PTPN14: variants seen among roughly 807,000 people sequenced by gnomAD.
The protein encoded by PTPN14 is protein tyrosine phosphatase non-receptor type 14.
A neutral mutation model predicts 126.8 loss-of-function variants in PTPN14; 53 were observed. The observed-to-expected ratio is 0.42, with a 90% CI of 0.34 to 0.53. The LOEUF is 0.53. PTPN14 is among the 20% of genes least tolerant of loss of function. The pLI is 0.08. For missense variants in PTPN14, 1,257 were observed against 1,552.9 expected (o/e 0.81, Z 3.20); for synonymous variants, 630 against 599.3 (o/e 1.05, Z -0.75).
At chr1:214,491,061 AAGAAAGAAAGAAAG>A (rs1412365853) in intron 1 of PTPN14, among the ~76,000 whole-genome samples, 8 of 142,912 alleles carry the variant, frequency 5.6e-5, no homozygotes, top group South Asian at 4.5e-4. Context: ...AAGAAAAACA[AAGAAAGAAAGAAAG>A]AGAAAGAAAG....
At chr1:214,526,167 T>C (rs1219908820) in intron 1 of PTPN14, among the ~76,000 whole-genome samples, 1 of 152,036 alleles carries the variant, frequency 6.6e-6, no homozygotes, top group Non-Finnish European at 1.5e-5. Flanking sequence ...GTTTTCACCA[T>C]GTTGGCCAGG....
At chr1:214,365,673 C>T (rs1658063753) in intron 17 of PTPN14, among the ~76,000 whole-genome samples, 1 of 152,114 alleles carries the variant, frequency 6.6e-6, no homozygotes, top group South Asian at 2.1e-4. Context: ...CACCTGTTTA[C>T]AGACATATAT....
intron 1 of PTPN14, chr1:214,530,860 C>T (rs1224676955): frequency 6.6e-6 from 1 of 151,954 alleles, no homozygotes; most frequent in Non-Finnish European, 1.5e-5. Flanking sequence ...AACAAGCACC[C>T]TATTTTACTG....
In PTPN14 at chr1:214,354,782, T is replaced by G. The variant is rs1271889325; in HGVS notation, c.*3140A>C. ...GATGGTAACTTTTTTTTCCTCCATT[T>G]TACATTTTCTCCCTTCAAATCCAAA... On this transcript the variant is annotated 3_prime_UTR_variant, in exon 19 of 19. Transcript: ENST00000366956. The G allele has an allele frequency of 6.6e-6, 1 of 152,222 alleles. No homozygotes were observed. The highest frequency in any genetic ancestry group is 1.5e-5 in the Non-Finnish European group (1 of 68,040). The allele number at this position is 152,222 out of a possible 1,614,324, so 9.4% of individuals were successfully genotyped here. A position where few individuals can be genotyped will look rare whatever the true frequency, so the allele number is the denominator to read the frequency against.
At chr1:214,449,259 G>T (rs1660218725) in intron 3 of PTPN14, among the ~76,000 whole-genome samples, 1 of 152,000 alleles carries the variant, frequency 6.6e-6, no homozygotes, top group Non-Finnish European at 1.5e-5. Flanking sequence ...GCCCGCCTCG[G>T]CCTCCCAAAG....
chr1:214,424,127 C>T (rs1026065081), intron 3 of PTPN14, among the ~76,000 whole-genome samples: 2 of 151,982 alleles, frequency 1.3e-5, no homozygotes, highest in Non-Finnish European at 1.5e-5. Context: ...GAAACCCCAT[C>T]TCTATGAAAA....
At chr1:214,496,367 A>T (rs2102424608) in intron 1 of PTPN14, among the ~76,000 whole-genome samples, 1 of 152,280 alleles carries the variant, frequency 6.6e-6, no homozygotes, top group East Asian at 1.9e-4. Context: ...AGCTCTGTCA[A>T]GGGGAGTTCA....
intron 1 of PTPN14, among the ~76,000 whole-genome samples, chr1:214,495,073 G>A (rs1661330332): frequency 6.6e-6 from 1 of 152,036 alleles, no homozygotes; most frequent in Non-Finnish European, 1.5e-5. Flanking sequence ...TCCCAGAAAG[G>A]GACACACAGA....
intron 1 of PTPN14, among the ~76,000 whole-genome samples, chr1:214,493,755 G>GGCAAGACTTGACCATATATAA (rs1661300173): frequency 2.0e-5 from 3 of 152,090 alleles, no homozygotes; most frequent in Non-Finnish European, 4.4e-5. Flanking sequence ...TATATATAAT[G>GGCAAGACTTGACCATATATAA]TCACACATAT....
intron 3 of PTPN14, among the ~76,000 whole-genome samples, chr1:214,418,369 T>C (rs1659472047): frequency 6.6e-6 from 1 of 152,272 alleles, no homozygotes; most frequent in Non-Finnish European, 1.5e-5. Flanking sequence ...AGCTATTTAA[T>C]AAGGGAAGGA....
intron 1 of PTPN14, among the ~76,000 whole-genome samples, chr1:214,540,841 C>T (rs1415378671): frequency 6.6e-6 from 1 of 152,016 alleles, no homozygotes; most frequent in Non-Finnish European, 1.5e-5. Flanking sequence ...TGTGTAAATC[C>T]ATTAGATTTA....
intron 1 of PTPN14, among the ~76,000 whole-genome samples, chr1:214,491,300 A>T (rs1234644082): frequency 6.6e-6 from 1 of 152,180 alleles, no homozygotes; most frequent in African/African-American, 2.4e-5. Flanking sequence ...ACTGCTGTGT[A>T]TGAGCTCTAT....
At chr1:214,421,054 T>G (rs766631380) in intron 3 of PTPN14, among the ~76,000 whole-genome samples, 36 of 152,222 alleles carry the variant, frequency 2.4e-4, no homozygotes, top group Non-Finnish European at 4.7e-4. Context: ...TGCTCCTCAG[T>G]ATATAGCCAC....
Position 214,402,388 on chromosome 1 carries a change from C to T in PTPN14, c.581+495G>A, listed in dbSNP as rs373853225. Among the ~76,000 whole-genome samples, 246 of 133,442 alleles carry T rather than the reference C, an allele frequency of 1.8e-3. 1 individual carries two copies. The highest frequency in any genetic ancestry group is 6.4e-3 in the African/African-American group (224 of 34,754). The allele number at this position is 133,442 out of a possible 152,430, so 87.5% of individuals were successfully genotyped here. On this transcript the variant is annotated intron_variant, in intron 6 of 18. Coordinates refer to ENST00000366956, the MANE Select transcript of PTPN14 (RefSeq NM_005401.5). ...CCCGGAGGTGGAGGTTGCAGTGGAC[C>T]GAGATCGCACCACTGCACTCCAGCC...
At chr1:214,544,524 A>C (rs2102487180) in intron 1 of PTPN14, among the ~76,000 whole-genome samples, 1 of 152,268 alleles carries the variant, frequency 6.6e-6, no homozygotes, top group East Asian at 1.9e-4. Context: ...CCAAGGTGGG[A>C]GGATCACCTG....
At chr1:214,523,673 GA>G (rs1304360487) in intron 1 of PTPN14, among the ~76,000 whole-genome samples, 2 of 152,242 alleles carry the variant, frequency 1.3e-5, no homozygotes, top group South Asian at 4.1e-4. Context: ...CAGTTTCAGT[GA>G]CCCCACTTCC....
At chr1:214,547,717 T>G (rs1399684871) in intron 1 of PTPN14, among the ~76,000 whole-genome samples, 1 of 152,154 alleles carries the variant, frequency 6.6e-6, no homozygotes, top group Admixed American at 6.5e-5. Context: ...AGGATCCTTA[T>G]ATAAAACACT....
intron 1 of PTPN14, among the ~76,000 whole-genome samples, chr1:214,471,259 C>T (rs1572021283): frequency 1.3e-5 from 2 of 152,062 alleles, no homozygotes; most frequent in Admixed American, 6.6e-5. Flanking sequence ...GGGAAAAATA[C>T]TCACTCGACT....
chr1:214,393,471 TCA>T (rs1221200443), intron 10 of PTPN14, among the ~76,000 whole-genome samples: 3 of 152,206 alleles, frequency 2.0e-5, no homozygotes, highest in Admixed American at 1.3e-4. Context: ...AGCCAAGCAT[TCA>T]CAGTCAATTT....
Sources: gnomAD v4.1 joint callset for allele counts (sites outside exome capture counted in the v4.1 genomes callset) on GRCh38, gnomAD v4.1.1 for gene constraint, MANE v1.5 for transcripts, NCBI Gene and HGNC (gene_info 2026-07-23, HGNC 2026-07-21) for gene names.